GADL1: variants seen among roughly 807,000 people sequenced by gnomAD.
GADL1 encodes the protein acidic amino acid decarboxylase GADL1.
Under a neutral mutation model 69.5 loss-of-function variants are expected in GADL1, and 71 were observed. The observed-to-expected ratio is 1.02, with a 90% CI of 0.84 to 1.25. The LOEUF is 1.25. Ranked by LOEUF, GADL1 falls within the 50% of genes most tolerant of loss-of-function variation. GADL1 has a pLI of 0.00. For missense variants in GADL1, 737 were observed against 631.8 expected, an observed-to-expected ratio of 1.17 and a Z score of -1.79; for synonymous variants, 254 against 214.4, an observed-to-expected ratio of 1.18 and a Z score of -1.62.
intron 11 of GADL1, among the ~76,000 whole-genome samples, chr3:30,822,716 T>A (rs777426770): frequency 3.3e-5 from 5 of 152,092 alleles, no homozygotes; most frequent in Non-Finnish European, 5.9e-5. Flanking sequence ...AAAATACCAG[T>A]TAACTGATAT....
intron 13 of GADL1, among the ~76,000 whole-genome samples, chr3:30,782,851 T>C (rs1476138091): frequency 6.6e-6 from 1 of 152,176 alleles, no homozygotes; most frequent in African/African-American, 2.4e-5. Context: ...ATGGGTAACA[T>C]ACAATGCTAC....
chr3:30,816,112 A>G (rs1697464338), intron 11 of GADL1, among the ~76,000 whole-genome samples: 1 of 152,168 alleles, frequency 6.6e-6, no homozygotes, highest in South Asian at 2.1e-4. Flanking sequence ...AGAACAGGTA[A>G]GGGAGCCTCT....
intron 11 of GADL1, among the ~76,000 whole-genome samples, chr3:30,829,632 A>G (rs1282050586): frequency 6.6e-6 from 1 of 151,960 alleles, no homozygotes; most frequent in Non-Finnish European, 1.5e-5. Context: ...GGTAAGGGAA[A>G]AATTCAAATT....
chr3:30,741,023 T>C (rs984865386), intron 14 of GADL1, among the ~76,000 whole-genome samples: 1 of 136,606 alleles, frequency 7.3e-6, no homozygotes, highest in Non-Finnish European at 1.5e-5. Context: ...TATTATATAA[T>C]ATATTATATA....
rs748060157 is a variant in GADL1 at position 30,728,286 on chromosome 3, C to A, written c.1522G>T (p.Asp508Tyr). 12 of 1,613,820 alleles carry A rather than the reference C, an allele frequency of 7.4e-6. No homozygotes were observed. In the Admixed American group the frequency reaches 2.0e-4, roughly 27 times the overall value. Residue 508 changes from aspartate (D) to tyrosine (Y), a missense_variant, in exon 15 of 15, where the codon GAC becomes TAC. Coordinates refer to ENST00000282538, the MANE Select transcript of GADL1 (RefSeq NM_207359.3). ...ISPQVSREDM[D>Y]FLLDEIDLLG... ...AAGTCTATCTCATCCAGGAGGAAGT[C>A]CATGTCCTCCCGGCTCACTTGAGGG...
At chr3:30,754,553 A>AG (rs1491560406) in intron 14 of GADL1, among the ~76,000 whole-genome samples, 1 of 151,954 alleles carries the variant, frequency 6.6e-6, no homozygotes, top group African/African-American at 2.4e-5. Context: ...CAGATGACAA[A>AG]GAGTGTATTA....
chr3:30,734,085 C>T lies in GADL1; in HGVS notation c.1393-5670G>A, dbSNP rs564320165. ...GTGAAAAGTTAGACATGTGAGAAAG[C>T]ATGAAATTCTTTTATTTGCTTTATT... On this transcript the variant is annotated intron_variant, in intron 14 of 14. Coordinates refer to ENST00000282538, the MANE Select transcript of GADL1 (RefSeq NM_207359.3). Among the ~76,000 whole-genome samples, 4 of 152,288 alleles carry T rather than the reference C, an allele frequency of 2.6e-5. No homozygotes were observed. The South Asian group carries it at 8.3e-4, about 32-fold the overall frequency.
chr3:30,848,949 G>A (rs866635718), intron 6 of GADL1, among the ~76,000 whole-genome samples: 6 of 152,278 alleles, frequency 3.9e-5, no homozygotes, highest in Middle Eastern at 3.4e-3. Flanking sequence ...CCATGAGGTT[G>A]TGGGGTCTTT....
In GADL1 at chr3:30,816,530, C is replaced by CTTTTTTT. The variant is rs773530741; in HGVS notation, c.1051-15449_1051-15443dup. Among the ~76,000 whole-genome samples the CTTTTTTT allele has an allele frequency of 3.5e-4, 19 of 53,984 alleles. 5 individuals are homozygous for CTTTTTTT. The highest frequency in any genetic ancestry group is 1.4e-3 in the South Asian group (2 of 1,446). 35.4% of individuals were successfully genotyped at this position (53,984 alleles called of 152,430 possible). On this transcript the variant is annotated intron_variant, in intron 11 of 14. Transcript: ENST00000282538. ...AGACCATATATTCTTAATTTGTTTT[C>CTTTTTTT]TTTTTTTTTTTTTTTTTTTTTTTTT...
chr3:30,817,671 G>GT (rs1156321138), intron 11 of GADL1, among the ~76,000 whole-genome samples: 3 of 152,170 alleles, frequency 2.0e-5, no homozygotes, highest in Non-Finnish European at 4.4e-5. Context: ...TCTCTGGCAA[G>GT]TTGAATATTG....
At chr3:30,805,051 C>CTT (rs1697227501) in intron 11 of GADL1, among the ~76,000 whole-genome samples, 1 of 152,214 alleles carries the variant, frequency 6.6e-6, no homozygotes, top group South Asian at 2.1e-4. Flanking sequence ...TACTTTCCCT[C>CTT]TTTGCAATCA....
At chr3:30,881,580 T>C (rs551878494) in intron 1 of GADL1, among the ~76,000 whole-genome samples, 1 of 151,894 alleles carries the variant, frequency 6.6e-6, no homozygotes, top group African/African-American at 2.4e-5. Context: ...AAAAAAGATA[T>C]AAGAACTCAA....
chr3:30,844,496 G>A (rs1447028416), intron 6 of GADL1, 30 bp from the exon 7 acceptor site: 12 of 1,416,340 alleles, frequency 8.5e-6, no homozygotes, highest in Non-Finnish European at 1.2e-5. Flanking sequence ...GGGGAAGGGG[G>A]AGACATGAAA....
At position 30,883,795 on chromosome 3, in the gene GADL1, A is replaced by G. The variant is rs1029559090; in HGVS notation, c.37+10783T>C. Among the ~76,000 whole-genome samples, 11 of 151,962 alleles carry G rather than the reference A, an allele frequency of 7.2e-5. 2 individuals carry two copies. The highest frequency in any genetic ancestry group is 7.2e-4 in the Admixed American group (11 of 15,234). ...ATGAACACAGTATGTCTCTTCATTT[A>G]TTTGTGTCTTTAATTTCTTTTAGCA... On this transcript the variant is annotated intron_variant, in intron 1 of 14. Transcript: ENST00000282538.
intron 1 of GADL1, among the ~76,000 whole-genome samples, chr3:30,882,270 T>C (rs1698653604): frequency 6.6e-6 from 1 of 151,906 alleles, no homozygotes. Flanking sequence ...ATGTTTCACA[T>C]TGTGAAACAG....
chr3:30,863,180 TG>T (rs1559364174), intron 1 of GADL1, among the ~76,000 whole-genome samples: 1 of 151,884 alleles, frequency 6.6e-6, no homozygotes, highest in Non-Finnish European at 1.5e-5. Flanking sequence ...TAATCTTAAT[TG>T]TATGTTTTAA....
chr3:30,851,678 G>C (rs752768106), intron 4 of GADL1, among the ~76,000 whole-genome samples: 1 of 152,102 alleles, frequency 6.6e-6, no homozygotes, highest in African/African-American at 2.4e-5. Context: ...AGGCCTAGCC[G>C]TCTGGGCCTA....
intron 13 of GADL1, among the ~76,000 whole-genome samples, chr3:30,783,063 G>C (rs1440001822): frequency 2.6e-5 from 4 of 152,148 alleles, no homozygotes; most frequent in Non-Finnish European, 4.4e-5. Flanking sequence ...TCTGCAAATA[G>C]GAAGTATTCA....
intron 1 of GADL1, among the ~76,000 whole-genome samples, chr3:30,882,936 G>A (rs1326594724): frequency 6.6e-6 from 1 of 151,722 alleles, no homozygotes; most frequent in African/African-American, 2.4e-5. Flanking sequence ...GAGCATCTTT[G>A]CGTACATTTG....
Sources: allele counts gnomAD v4.1 joint callset (sites outside exome capture counted in the v4.1 genomes callset), GRCh38; gene constraint gnomAD v4.1.1; transcripts MANE v1.5; gene names NCBI Gene and HGNC (gene_info 2026-07-23, HGNC 2026-07-21).